ADGRB3: variants seen among roughly 807,000 people sequenced by gnomAD.
The protein encoded by ADGRB3 is adhesion G protein-coupled receptor B3.
Under a neutral mutation model 193.4 loss-of-function variants are expected in ADGRB3, and 37 were observed. The ratio of observed to expected loss-of-function variants is 0.19; its 90% CI spans 0.15 to 0.25. The LOEUF (loss-of-function observed/expected upper bound fraction) is 0.25, where lower values mean the gene tolerates loss of function less well. Among genes scored for constraint, ADGRB3 ranks in the 10% least tolerant of loss-of-function variants. The pLI is 1.00. For missense variants in ADGRB3, 1,637 were observed against 1,852.9 expected (o/e 0.88, Z 2.14); for synonymous variants, 690 against 644.2 (o/e 1.07, Z -1.08).
intron 3 of ADGRB3, among the ~76,000 whole-genome samples, chr6:68,818,874 C>T (rs1767688131): frequency 6.6e-6 from 1 of 152,014 alleles, no homozygotes. Flanking sequence ...AAGCAACTCC[C>T]TGAGGAAAGA....
intron 3 of ADGRB3, among the ~76,000 whole-genome samples, chr6:68,928,724 G>C (rs1169501152): frequency 1.3e-5 from 2 of 151,978 alleles, no homozygotes; most frequent in Non-Finnish European, 2.9e-5. Flanking sequence ...AGCATTCTTT[G>C]CCTGCTCAGT....
At chr6:68,646,475 C>CAAAAAAAAAAAAA (rs368034374) in intron 3 of ADGRB3, among the ~76,000 whole-genome samples, 1 of 107,612 alleles carries the variant, frequency 9.3e-6, no homozygotes, top group South Asian at 3.1e-4. Flanking sequence ...GAAACTCTGT[C>CAAAAAAAAAAAAA]AAAAAAAAAA....
intron 3 of ADGRB3, among the ~76,000 whole-genome samples, chr6:68,850,047 C>A (rs1768365819): frequency 6.7e-6 from 1 of 148,638 alleles, no homozygotes; most frequent in South Asian, 2.1e-4. Flanking sequence ...ACTTTTACAT[C>A]TCTTCATTTT....
chr6:68,918,254 T>C (rs990330515), intron 3 of ADGRB3, among the ~76,000 whole-genome samples: 2 of 152,166 alleles, frequency 1.3e-5, no homozygotes, highest in Non-Finnish European at 2.9e-5. Flanking sequence ...CCTGTTAAGA[T>C]GGAATAGGGA....
chr6:68,896,807 C>T (rs1488486888), intron 3 of ADGRB3, among the ~76,000 whole-genome samples: 2 of 152,174 alleles, frequency 1.3e-5, no homozygotes, highest in African/African-American at 4.8e-5. Context: ...CTGGGCTAGA[C>T]ACCTTCATTC....
At chr6:69,228,996 C>T (rs1295645990) in intron 17 of ADGRB3, among the ~76,000 whole-genome samples, 1 of 152,106 alleles carries the variant, frequency 6.6e-6, no homozygotes, top group Non-Finnish European at 1.5e-5. Context: ...TATCCCAAGT[C>T]CTATCATAGG....
Position 68,872,895 on chromosome 6 carries a change from AT to A in ADGRB3, c.758-57657del, listed in dbSNP as rs766460578. 2.6e-5 allele frequency among the ~76,000 whole-genome samples: 4 copies of A among 152,190 alleles called. No homozygotes were observed. In the East Asian group the frequency reaches 7.7e-4, roughly 29 times the overall value. The stretch of plus-strand genomic sequence containing the variant: ...AAATATCTAGTTAAAATTTTAATGT[AT>A]TTTTTTGTTGCTGATCAAGCTCAAA... On this transcript the variant is annotated intron_variant, in intron 3 of 31. Transcript: ENST00000370598.
chr6:69,378,474 T>G (rs1439405931), intron 30 of ADGRB3, among the ~76,000 whole-genome samples: 1 of 152,098 alleles, frequency 6.6e-6, no homozygotes, highest in Non-Finnish European at 1.5e-5. Flanking sequence ...GCTTCAGTTT[T>G]CTAATCAGTA....
chr6:68,856,700 A>G (rs1257574185), intron 3 of ADGRB3, among the ~76,000 whole-genome samples: 10 of 152,244 alleles, frequency 6.6e-5, no homozygotes, highest in Admixed American at 5.2e-4. Flanking sequence ...TATGTGATAG[A>G]AAATAAAATC....
At chr6:68,919,947 A>G (rs1766989625) in intron 3 of ADGRB3, among the ~76,000 whole-genome samples, 1 of 152,182 alleles carries the variant, frequency 6.6e-6, no homozygotes, top group African/African-American at 2.4e-5. Flanking sequence ...CCCTTTATTA[A>G]TCAAGAATCA....
chr6:68,681,477 G>C lies in ADGRB3; in HGVS notation c.757+42045G>C, dbSNP rs546451294. Among the ~76,000 whole-genome samples, 9 of 151,950 alleles carry C rather than the reference G, an allele frequency of 5.9e-5. No individual in the cohort carries two copies. The South Asian group carries it at 1.9e-3, about 32-fold the overall frequency. On this transcript the variant is annotated intron_variant, in intron 3 of 31. Transcript: ENST00000370598. ...CTCATTTTTGTAGAGATGGGGTCTC[G>C]CGATGTTGCTCAGTCTGGTCTCAAA...
At position 68,867,335 on chromosome 6, in the gene ADGRB3, C is replaced by T. The variant is rs79419787; in HGVS notation, c.758-63224C>T. ...GGGTTCCAGCCCCATGCCTTGGTGGCTTCCATGTGGTGTTGAGCCTGCTGG... is the reference window on the plus strand; with the variant it reads ...GGGTTCCAGCCCCATGCCTTGGTGGTTTCCATGTGGTGTTGAGCCTGCTGG... On this transcript the variant is annotated intron_variant, in intron 3 of 31. Coordinates refer to ENST00000370598, the MANE Select transcript of ADGRB3 (RefSeq NM_001704.3). Among the ~76,000 whole-genome samples the T allele has an allele frequency of 6.1e-3, 930 of 152,322 alleles. 10 individuals are homozygous for T. The highest frequency in any genetic ancestry group is 0.021 in the African/African-American group (854 of 41,560).
chr6:68,800,456 A>G (rs2127370652), intron 3 of ADGRB3, among the ~76,000 whole-genome samples: 1 of 152,296 alleles, frequency 6.6e-6, no homozygotes, highest in Non-Finnish European at 1.5e-5. Context: ...AATCATCAGC[A>G]TATATTTAGA....
intron 3 of ADGRB3, among the ~76,000 whole-genome samples, chr6:68,893,540 T>C (rs1042931605): frequency 4.0e-5 from 6 of 151,722 alleles, no homozygotes; most frequent in African/African-American, 1.4e-4. Context: ...TTTTTTTTTT[T>C]TTCCTTCAGT....
chr6:68,991,380 G>GAA (rs75027659), intron 10 of ADGRB3, among the ~76,000 whole-genome samples: 1 of 151,700 alleles, frequency 6.6e-6, no homozygotes, highest in Non-Finnish European at 1.5e-5. Context: ...GCAGAAAAAT[G>GAA]AAAAAAACAA....
At chr6:68,805,834 A>T (rs1767391312) in intron 3 of ADGRB3, among the ~76,000 whole-genome samples, 1 of 152,236 alleles carries the variant, frequency 6.6e-6, no homozygotes, top group Admixed American at 6.5e-5. Flanking sequence ...ATGTAGTTTT[A>T]GGATTATAAG....
intron 17 of ADGRB3, among the ~76,000 whole-genome samples, chr6:69,224,856 A>T (rs1215187599): frequency 6.6e-6 from 1 of 152,110 alleles, no homozygotes; most frequent in African/African-American, 2.4e-5. Context: ...ATTAAACTTT[A>T]TTCTTGGATT....
At chr6:68,971,530 G>A (rs1449190755) in intron 8 of ADGRB3, among the ~76,000 whole-genome samples, 2 of 152,202 alleles carry the variant, frequency 1.3e-5, no homozygotes, top group African/African-American at 4.8e-5. Context: ...GTTGTTCAAG[G>A]ATTAACTGTG....
intron 16 of ADGRB3, among the ~76,000 whole-genome samples, chr6:69,069,891 G>T (rs1256839408): frequency 6.6e-6 from 1 of 151,932 alleles, no homozygotes; most frequent in Non-Finnish European, 1.5e-5. Context: ...TCTTTAGTAG[G>T]GAAAGAGAGA....
Sources: allele counts gnomAD v4.1 joint callset (sites outside exome capture counted in the v4.1 genomes callset), GRCh38; gene constraint gnomAD v4.1.1; transcripts MANE v1.5; gene names NCBI Gene and HGNC (gene_info 2026-07-23, HGNC 2026-07-21).